ZNF385D: variants seen among roughly 807,000 people sequenced by gnomAD.
ZNF385D encodes zinc finger protein 385D.
A neutral mutation model predicts 35.8 loss-of-function variants in ZNF385D; 15 were observed. The ratio of observed to expected loss-of-function variants is 0.42; its 90% CI spans 0.28 to 0.64. The LOEUF (loss-of-function observed/expected upper bound fraction) is 0.64, where lower values mean the gene tolerates loss of function less well. Among genes scored for constraint, ZNF385D ranks in the 30% least tolerant of loss-of-function variants. The pLI is 0.23. For synonymous variants in ZNF385D, 212 were observed against 186.8 expected (o/e 1.13, Z -1.10); for missense variants, 474 against 494.6 (o/e 0.96, Z 0.39).
chr3:21,682,287 A>T lies in ZNF385D; in HGVS notation c.23-17259T>A, dbSNP rs2125316756. Among the ~76,000 whole-genome samples the T allele has an allele frequency of 1.5e-5, 2 of 137,866 alleles. 1 individual carries two copies. Among genetic ancestry groups the T allele is most frequent in the South Asian group, 4.8e-4 (2 of 4,166 alleles). The allele number at this position is 137,866 out of a possible 152,430, so 90.4% of individuals were successfully genotyped here. Reference sequence around the variant, plus strand: ...TTGAAAATCTAATAACTTATGAAAGATGTACACAACCTGGAAAATAGCCAA... The same window carrying T: ...TTGAAAATCTAATAACTTATGAAAGTTGTACACAACCTGGAAAATAGCCAA... On this transcript the variant is annotated intron_variant, in intron 1 of 7. Transcript: ENST00000281523.
intron 1 of ZNF385D, among the ~76,000 whole-genome samples, chr3:21,748,328 T>A (rs1385856201): frequency 6.8e-6 from 1 of 147,656 alleles, no homozygotes; most frequent in African/African-American, 2.5e-5. Context: ...AAGGGCAGGG[T>A]CCAGTTGTCC....
chr3:21,983,165 TTA>T (rs1415062718), intron 3 of ZNF385D, among the ~76,000 whole-genome samples: 22,592 of 98,606 alleles, frequency 0.23, 4,423 homozygotes, highest in African/African-American at 0.56. Flanking sequence ...TTTTATTTTA[TTA>T]TTTTTTTTTA....
chr3:22,116,400 G>C (rs190018522), intron 3 of ZNF385D, among the ~76,000 whole-genome samples: 1 of 151,890 alleles, frequency 6.6e-6, no homozygotes, highest in Admixed American at 6.6e-5. Flanking sequence ...GAACTACTCA[G>C]ATTATTTTGT....
chr3:22,336,330 C>T (rs1695158921), intron 2 of ZNF385D, among the ~76,000 whole-genome samples: 1 of 152,062 alleles, frequency 6.6e-6, no homozygotes, highest in African/African-American at 2.4e-5. Context: ...TTGTACAATA[C>T]CAAAACTTAA....
intron 3 of ZNF385D, among the ~76,000 whole-genome samples, chr3:21,865,351 A>T (rs2125836895): frequency 6.6e-6 from 1 of 151,858 alleles, no homozygotes; most frequent in Admixed American, 6.6e-5. Flanking sequence ...GGTCTGACTG[A>T]AGTTTGCTTT....
At chr3:22,279,533 CAT>C (rs780543836) in intron 2 of ZNF385D, among the ~76,000 whole-genome samples, 13 of 140,922 alleles carry the variant, frequency 9.2e-5, no homozygotes, top group Non-Finnish European at 1.8e-4. Context: ...TACATATGTA[CAT>C]ATATATGTAT....
At chr3:21,915,291 C>T (rs1700141553) in intron 3 of ZNF385D, among the ~76,000 whole-genome samples, 1 of 151,894 alleles carries the variant, frequency 6.6e-6, no homozygotes, top group African/African-American at 2.4e-5. Flanking sequence ...TCTCATTTCC[C>T]CAAAAGCACC....
chr3:22,107,368 T>A (rs1258343571), intron 3 of ZNF385D, among the ~76,000 whole-genome samples: 1 of 152,042 alleles, frequency 6.6e-6, no homozygotes, highest in African/African-American at 2.4e-5. Context: ...GTCAGAAAAT[T>A]ATGTTAAATT....
chr3:21,570,164 C>T (rs764045656), intron 2 of ZNF385D, among the ~76,000 whole-genome samples: 9 of 152,120 alleles, frequency 5.9e-5, no homozygotes, highest in Non-Finnish European at 1.2e-4. Flanking sequence ...TATTGACACG[C>T]TTACCCAAAC....
At chr3:21,594,148 A>G (rs1049231658) in intron 2 of ZNF385D, among the ~76,000 whole-genome samples, 1 of 152,148 alleles carries the variant, frequency 6.6e-6, no homozygotes, top group Non-Finnish European at 1.5e-5. Flanking sequence ...AGGCAATTCT[A>G]AAAGTTGTTC....
At chr3:22,047,476 C>A (rs919069041) in intron 3 of ZNF385D, among the ~76,000 whole-genome samples, 1 of 152,092 alleles carries the variant, frequency 6.6e-6, no homozygotes, top group African/African-American at 2.4e-5. Flanking sequence ...TGAGATTCAA[C>A]ATGTACGTAA....
intron 2 of ZNF385D, among the ~76,000 whole-genome samples, chr3:22,179,335 C>A (rs1695057957): frequency 6.6e-6 from 1 of 152,146 alleles, no homozygotes; most frequent in African/African-American, 2.4e-5. Flanking sequence ...GTATTTTATT[C>A]TCTTTGAAGA....
chr3:21,497,392 T>C (rs1705985149), intron 4 of ZNF385D, among the ~76,000 whole-genome samples: 1 of 152,030 alleles, frequency 6.6e-6, no homozygotes, highest in Non-Finnish European at 1.5e-5. Flanking sequence ...AAATAAAATA[T>C]AGGTGAGACA....
intron 2 of ZNF385D, among the ~76,000 whole-genome samples, chr3:21,567,019 C>A (rs1221814556): frequency 1.3e-5 from 2 of 152,222 alleles, no homozygotes; most frequent in African/African-American, 4.8e-5. Flanking sequence ...TTGTTACATG[C>A]ATCAGCAGCT....
At chr3:21,806,053 G>A (rs1559640136) in intron 3 of ZNF385D, among the ~76,000 whole-genome samples, 1 of 152,168 alleles carries the variant, frequency 6.6e-6, no homozygotes, top group East Asian at 1.9e-4. Flanking sequence ...ATTTGCTCTG[G>A]GAAATTCATA....
At chr3:21,821,195 A>G (rs1575716973) in intron 3 of ZNF385D, among the ~76,000 whole-genome samples, 1 of 152,102 alleles carries the variant, frequency 6.6e-6, no homozygotes, top group African/African-American at 2.4e-5. Context: ...GAAGGTGGTA[A>G]AATTACAGAA....
At chr3:22,178,940 C>T (rs1695026730) in intron 2 of ZNF385D, among the ~76,000 whole-genome samples, 1 of 151,794 alleles carries the variant, frequency 6.6e-6, no homozygotes, top group Non-Finnish European at 1.5e-5. Flanking sequence ...TTCCATTGGT[C>T]TATATCTCTG....
intron 2 of ZNF385D, among the ~76,000 whole-genome samples, chr3:22,306,878 T>C (rs577018374): frequency 6.6e-6 from 1 of 152,264 alleles, no homozygotes; most frequent in South Asian, 2.1e-4. Context: ...ACCCCTGTAC[T>C]CAAGACAGCT....
intron 3 of ZNF385D, among the ~76,000 whole-genome samples, chr3:22,149,365 C>T (rs994855332): frequency 1.3e-5 from 2 of 152,144 alleles, no homozygotes; most frequent in South Asian, 2.1e-4. Flanking sequence ...GCACTAAATA[C>T]ATTACCTAAA....
Sources: gnomAD v4.1 joint callset for allele counts (sites outside exome capture counted in the v4.1 genomes callset) on GRCh38, gnomAD v4.1.1 for gene constraint, MANE v1.5 for transcripts, NCBI Gene and HGNC (gene_info 2026-07-23, HGNC 2026-07-21) for gene names.